The following SPTBN1 variants were observed in gnomAD, a reference collection of about 807,000 sequenced individuals.
The protein encoded by SPTBN1 is spectrin beta chain, non-erythrocytic 1.
SPTBN1 carries 32 observed loss-of-function variants against 266.4 expected under a neutral mutation model. The observed-to-expected ratio is 0.12, with a 90% CI of 0.09 to 0.16. SPTBN1 has a LOEUF of 0.16. SPTBN1 is among the 10% of genes least tolerant of loss of function. The pLI is 1.00. For missense variants in SPTBN1, 2,296 were observed against 3,067.1 expected (o/e 0.75, Z 5.94); for synonymous variants, 1,336 against 1,162.2 (o/e 1.15, Z -3.04).
chr2:54,639,790 T>G (rs1457329611), intron 18 of SPTBN1, among the ~76,000 whole-genome samples: 1 of 152,228 alleles, frequency 6.6e-6, no homozygotes, highest in African/African-American at 2.4e-5. Flanking sequence ...CCAGTGATTA[T>G]GAGGCATGCC....
rs550094892 is a variant in SPTBN1, at chr2:54,585,442, GC to G, written c.149-13649del. Among the ~76,000 whole-genome samples, 818 of 152,116 alleles carry G rather than the reference GC, an allele frequency of 5.4e-3. 6 individuals are homozygous for G. The highest frequency in any genetic ancestry group is 0.019 in the African/African-American group (784 of 41,462). On this transcript the variant is annotated intron_variant, in intron 2 of 35. Transcript: ENST00000356805. The stretch of plus-strand genomic sequence containing the variant: ...TTCTGTCCTCCTCTATTAAAACAAG[GC>G]AATGTACATTGGGTACTTACAGGAT...
rs182644186 is a variant in SPTBN1 at position 54,558,643 on chromosome 2, G to A, written c.148+32077G>A. 3,005 of 1,488,782 alleles carry A rather than the reference G, an allele frequency of 2.0e-3. 8 individuals are homozygous for A. The highest frequency in any genetic ancestry group is 2.6e-3 in the Non-Finnish European group (2,868 of 1,118,580). 92.2% of individuals were successfully genotyped at this position (1,488,782 alleles called of 1,614,324 possible). On this transcript the variant is annotated intron_variant, in intron 2 of 35. Coordinates refer to ENST00000356805, the MANE Select transcript of SPTBN1 (RefSeq NM_003128.3). This position sits in a 1 kb window ranked among gnomAD's most constrained non-coding sequence, Gnocchi z 4.6. The stretch of plus-strand genomic sequence containing the variant: ...AGCCAACTTCCCATCAGATCACCCT[G>A]CTGGACTTGCAGACCGGAATGGGGC...
intron 1 of SPTBN1, among the ~76,000 whole-genome samples, chr2:54,464,951 C>G (rs556936166): frequency 7.9e-5 from 12 of 152,292 alleles, no homozygotes; most frequent in Middle Eastern, 3.4e-3. Flanking sequence ...CTTGGCCTCC[C>G]AAAGTGTTGG....
intron 3 of SPTBN1, among the ~76,000 whole-genome samples, chr2:54,606,137 A>G (rs1676826169): frequency 6.6e-6 from 1 of 152,210 alleles, no homozygotes; most frequent in African/African-American, 2.4e-5. Flanking sequence ...TTTCTACCGC[A>G]TTCATTTGAA....
At chr2:54,665,843 A>C in intron 33 of SPTBN1, 72 bp from the exon 34 acceptor site, 1 of 1,501,454 alleles carries the variant, frequency 6.7e-7, no homozygotes, top group South Asian at 1.3e-5. Flanking sequence ...CATGTTAATG[A>C]AATGTTTAGT....
At chr2:54,462,295 A>T (rs1693405582) in intron 1 of SPTBN1, among the ~76,000 whole-genome samples, 1 of 152,206 alleles carries the variant, frequency 6.6e-6, no homozygotes, top group African/African-American at 2.4e-5. Flanking sequence ...TTTTTATGTC[A>T]GGAGAGCTAT....
chr2:54,598,102 A>G (rs983377309), intron 2 of SPTBN1, among the ~76,000 whole-genome samples: 1 of 152,188 alleles, frequency 6.6e-6, no homozygotes, highest in African/African-American at 2.4e-5. Flanking sequence ...TGCAGAGGCA[A>G]GAAGTTTGAA....
intron 32 of SPTBN1, chr2:54,660,248 G>T: frequency 7.3e-7 from 1 of 1,361,176 alleles, no homozygotes; most frequent in Non-Finnish European, 9.5e-7. Context: ...CTTAACTGAT[G>T]GATGCCCACT....
At chr2:54,517,838 G>A (rs546039779) in intron 1 of SPTBN1, among the ~76,000 whole-genome samples, 2 of 151,634 alleles carry the variant, frequency 1.3e-5, no homozygotes, top group Non-Finnish European at 2.9e-5. Flanking sequence ...TAGAGACAGG[G>A]TTTCACCATG....
At chr2:54,459,761 CCT>C (rs985210317) in intron 1 of SPTBN1, among the ~76,000 whole-genome samples, 4 of 152,078 alleles carry the variant, frequency 2.6e-5, no homozygotes, top group African/African-American at 7.2e-5. Flanking sequence ...GCTAACTACC[CCT>C]GTTAGAAGAG....
chr2:54,631,103 C>T lies in SPTBN1; in HGVS notation c.3056C>T (p.Ala1019Val), dbSNP rs1419575702. ...EAKLSDLQKE[A>V]EKLESEHPDQ... The stretch of plus-strand genomic sequence containing the variant: ...AAGCTGAGTGACCTGCAGAAGGAGG[C>T]GGAGAAGCTGGAGTCCGAGCACCCC... The change falls in exon 16 of 36, where the codon GCG (alanine) becomes GTG (valine). Residue 1019 changes from alanine (A) to valine (V), a missense_variant. Ala to Val is a moderately conservative substitution (Grantham distance 64). Coordinates refer to ENST00000356805, the MANE Select transcript of SPTBN1 (RefSeq NM_003128.3). The T allele has an allele frequency of 2.5e-6, 4 of 1,614,142 alleles. No homozygotes were observed. The highest frequency in any genetic ancestry group is 1.7e-5 in the Admixed American group (1 of 60,034).
At chr2:54,556,766 T>A (rs189960939) in intron 2 of SPTBN1, among the ~76,000 whole-genome samples, 1 of 152,236 alleles carries the variant, frequency 6.6e-6, no homozygotes, top group Non-Finnish European at 1.5e-5. Context: ...AGTATGATAA[T>A]TTTTAGAACA....
At chr2:54,605,145 C>T (rs895257166) in intron 3 of SPTBN1, among the ~76,000 whole-genome samples, 2 of 152,234 alleles carry the variant, frequency 1.3e-5, no homozygotes, top group Admixed American at 6.5e-5. Flanking sequence ...CCCCCTCCCT[C>T]TGCTCCATTG....
In SPTBN1 at chr2:54,558,250, G is replaced by C; in HGVS notation, c.148+31684G>C. ...CGGTAGGGGGTCGCGGGCCGGCTAG[G>C]CTCCCCCGCGCCCCTCCTCGTGGTA... On this transcript the variant is annotated intron_variant, in intron 2 of 35. Transcript: ENST00000356805. The surrounding 1 kb of genome is among the most constrained non-coding windows in gnomAD (Gnocchi z 4.6). 1.0e-6 allele frequency: 1 copy of C among 985,374 alleles called. No individual in the cohort carries two copies. The highest frequency in any genetic ancestry group is 4.7e-5 in the South Asian group (1 of 21,290). The allele number at this position is 985,374 out of a possible 1,614,324, so 61.0% of individuals were successfully genotyped here.
intron 2 of SPTBN1, among the ~76,000 whole-genome samples, chr2:54,552,008 G>A (rs1465848715): frequency 6.6e-6 from 1 of 152,072 alleles, no homozygotes; most frequent in Non-Finnish European, 1.5e-5. Flanking sequence ...CTTTCCCAGT[G>A]CATAATGGGC....
intron 23 of SPTBN1, 29 bp from the exon 24 acceptor site, chr2:54,647,102 A>G (rs756983245): frequency 3.7e-6 from 6 of 1,613,984 alleles, no homozygotes; most frequent in Admixed American, 3.3e-5. Context: ...GGGGACCGCT[A>G]TGGTTGTGAT....
intron 3 of SPTBN1, among the ~76,000 whole-genome samples, chr2:54,604,485 A>G (rs1676704363): frequency 6.6e-6 from 1 of 152,148 alleles, no homozygotes; most frequent in South Asian, 2.1e-4. Flanking sequence ...CTGGGCAGGC[A>G]GGTGGGACAG....
chr2:54,576,349 C>T (rs750546219), intron 2 of SPTBN1, among the ~76,000 whole-genome samples: 3 of 152,142 alleles, frequency 2.0e-5, no homozygotes, highest in South Asian at 2.1e-4. Context: ...CCACCGCGCC[C>T]GGCCTTCAGC....
rs1673050470 is a variant in SPTBN1 at position 54,558,671 on chromosome 2, G to A, written c.148+32105G>A. On this transcript the variant is annotated intron_variant, in intron 2 of 35. Transcript: ENST00000356805. The surrounding 1 kb of genome is among the most constrained non-coding windows in gnomAD (Gnocchi z 4.6). Reference sequence around the variant, plus strand: ...GGACTTGCAGACCGGAATGGGGCTCGCCTAAGGAGCCGAGCGCTGCGGAGG... The same window carrying A: ...GGACTTGCAGACCGGAATGGGGCTCACCTAAGGAGCCGAGCGCTGCGGAGG... 1 of 1,519,482 alleles carries A rather than the reference G, an allele frequency of 6.6e-7. No individual in the cohort carries two copies. The highest frequency in any genetic ancestry group is 8.8e-7 in the Non-Finnish European group (1 of 1,130,984). The allele number at this position is 1,519,482 out of a possible 1,614,324, so 94.1% of individuals were successfully genotyped here. A position where few individuals can be genotyped will look rare whatever the true frequency, so the allele number is the denominator to read the frequency against.
Sources: gnomAD v4.1 joint callset for allele counts (sites outside exome capture counted in the v4.1 genomes callset) on GRCh38, gnomAD v4.1.1 for gene constraint, Gnocchi (gnomAD v3.1) non-coding constraint, MANE v1.5 for transcripts, NCBI Gene and HGNC (gene_info 2026-07-23, HGNC 2026-07-21) for gene names.